Variants in MANSC1 observed in about 807,000 individuals in gnomAD.
MANSC1 encodes the protein MANSC domain containing 1.
A neutral mutation model predicts 14.1 loss-of-function variants in MANSC1; 13 were observed. That is an observed-to-expected ratio of 0.92 (90% CI 0.60 to 1.46). MANSC1 has a LOEUF of 1.46. MANSC1 is among the 40% of genes most tolerant of loss of function. MANSC1 has a pLI of 0.00. For missense variants in MANSC1, 486 were observed against 511.4 expected (o/e 0.95, Z 0.48); for synonymous variants, 227 against 200.7 (o/e 1.13, Z -1.11).
rs748192256 is a variant in MANSC1 at position 12,330,285 on chromosome 12, C to T, written c.1038G>A (p.Val346=). ...YNPTALSMSN[V]ESSTMNKTAS... is the part of the protein sequence containing the mutation. The stretch of plus-strand genomic sequence containing the variant: ...CAGTTTTATTCATAGTGGAAGACTC[C>T]ACATTTGACATAGAAAGTGCAGTAG... The change falls in exon 4 of 4, where the codon GTG becomes GTA. Residue 346 remains valine (V), a synonymous_variant. Coordinates refer to ENST00000535902, the MANE Select transcript of MANSC1 (RefSeq NM_018050.4). 1.2e-6 allele frequency: 2 copies of T among 1,614,216 alleles called. No individual in the cohort carries two copies. Among genetic ancestry groups the T allele is most frequent in the African/African-American group, 1.3e-5 (1 of 75,060 alleles).
Position 12,330,827 on chromosome 12 carries a change from T to G in MANSC1, c.496A>C (p.Ile166Leu). 1 of 1,614,144 alleles carries G rather than the reference T, an allele frequency of 6.2e-7. No homozygotes were observed. Among genetic ancestry groups the G allele is most frequent in the Non-Finnish European group, 8.5e-7 (1 of 1,180,022 alleles). Residue 166 changes from isoleucine to leucine, a missense_variant, in exon 4 of 4, where the codon ATC becomes CTC. By Grantham distance (5) the Ile-to-Leu change is conservative (BLOSUM62 2). Transcript: ENST00000535902. ...TGAGAAAGTGTGTCTCTCCATGAGA[T>G]ATCGGTGGGCTTTGAATAATCTGTG... ...HHTDYSKPTD[I>L]SWRDTLSQKF...
At chr12:12,333,310 G>T (rs1862817453) in intron 3 of MANSC1, among the ~76,000 whole-genome samples, 1 of 152,084 alleles carries the variant, frequency 6.6e-6, no homozygotes, top group African/African-American at 2.4e-5. Context: ...GCCTCCCAAA[G>T]TGCTGGAATT....
chr12:12,338,914 CA>C, intron 2 of MANSC1: 1 of 285,566 alleles, frequency 3.5e-6, no homozygotes, highest in South Asian at 3.6e-5. Flanking sequence ...CACACACACA[CA>C]CACCCCTAAG....
At chr12:12,349,899 T>C (rs528904785) in intron 1 of MANSC1, among the ~76,000 whole-genome samples, 179 bp downstream of exon 1, 1 of 152,318 alleles carries the variant, frequency 6.6e-6, no homozygotes, top group South Asian at 2.1e-4. Context: ...AGGTCCCCTT[T>C]GGAATACTGC....
At position 12,330,578 on chromosome 12, in the gene MANSC1, G is replaced by A. The variant is rs1178710435; in HGVS notation, c.745C>T (p.Pro249Ser). Residue 249 changes from proline (P) to serine (S), a missense_variant, in exon 4 of 4, where the codon CCC becomes TCC. By Grantham distance (74) the Pro-to-Ser change is moderately conservative (BLOSUM62 -1). Coordinates refer to ENST00000535902, the MANE Select transcript of MANSC1 (RefSeq NM_018050.4). ...GAAGGTGTCACTGAAGCATTGGTGG[G>A]TAGAAGGGTGGCGGGCTTTGGAGTA... ...SATPKPATLL[P>S]TNASVTPSGT... The A allele has an allele frequency of 1.9e-6, 3 of 1,614,116 alleles. No individual in the cohort carries two copies. The Admixed American group carries it at 5.0e-5, about 27-fold the overall frequency.
chr12:12,334,298 A>AAG (rs1862830241), intron 3 of MANSC1, among the ~76,000 whole-genome samples: 1 of 151,902 alleles, frequency 6.6e-6, no homozygotes, highest in South Asian at 2.1e-4. Flanking sequence ...GAAAAAAAAA[A>AAG]AGAGAGAGAG....
rs552782701 is a variant in MANSC1, at chr12:12,346,160, C to A, written c.-100-2746G>T. 2.7e-5 allele frequency among the ~76,000 whole-genome samples: 4 copies of A among 149,822 alleles called. No individual in the cohort carries two copies. In the East Asian group the frequency reaches 8.0e-4, roughly 30 times the overall value. On this transcript the variant is annotated intron_variant, in intron 1 of 3. Coordinates refer to ENST00000535902, the MANE Select transcript of MANSC1 (RefSeq NM_018050.4). ...TGGTGGCGGCCGCCTGTAGTCCCAG[C>A]TACTCGGGAGGCTGAGGCAGGAGAA...
intron 1 of MANSC1, among the ~76,000 whole-genome samples, chr12:12,344,962 T>A (rs1389732353): frequency 9.6e-6 from 1 of 103,742 alleles, no homozygotes; most frequent in Admixed American, 1.0e-4. Context: ...TATATATATA[T>A]ATATATTACA....
chr12:12,344,916 C>CATATATATATATATATATATAT (rs536743365), intron 1 of MANSC1, among the ~76,000 whole-genome samples: 1 of 33,556 alleles, frequency 3.0e-5, no homozygotes, highest in Non-Finnish European at 5.7e-5. Flanking sequence ...AATAAACTCC[C>CATATATATATATATATATATAT]ATATATATAT....
rs1026062431 is a variant in MANSC1, at chr12:12,332,938, C to T, written c.365-1980G>A. ...AAACCTAAAGTACTGGTGTGAAAAGCCTAAAATACTATTTGGCCCTTGGCA... is the reference window on the plus strand; with the variant it reads ...AAACCTAAAGTACTGGTGTGAAAAGTCTAAAATACTATTTGGCCCTTGGCA... On this transcript the variant is annotated intron_variant, in intron 3 of 3. Transcript: ENST00000535902. 2.8e-4 allele frequency among the ~76,000 whole-genome samples: 43 copies of T among 152,104 alleles called. 1 individual carries two copies. The highest frequency in any genetic ancestry group is 1.0e-3 in the African/African-American group (43 of 41,468).
At chr12:12,348,870 T>C (rs1025229980) in intron 1 of MANSC1, among the ~76,000 whole-genome samples, 1 of 152,194 alleles carries the variant, frequency 6.6e-6, no homozygotes, top group East Asian at 1.9e-4. Flanking sequence ...ACTTTATATA[T>C]ATCATGTCAT....
In MANSC1 at chr12:12,330,733, G is replaced by A; in HGVS notation, c.590C>T (p.Ala197Val). ...KMDEASAQLL[A>V]YKEKGHSQSS... ...CTGAGAATGGCCTTTTTCCTTATAA[G>A]CAAGGAGCTGGGCACTTGCTTCATC... is the stretch of plus-strand genomic sequence containing the variant. Residue 197 changes from alanine to valine, a missense_variant, in exon 4 of 4, where the codon GCT becomes GTT. By Grantham distance (64) the Ala-to-Val change is moderately conservative. Transcript: ENST00000535902. 6.2e-7 allele frequency: 1 copy of A among 1,614,174 alleles called. No homozygotes were observed.
At chr12:12,336,102 C>CAACAGAGTGAG (rs1862856012) in intron 3 of MANSC1, among the ~76,000 whole-genome samples, 1 of 152,130 alleles carries the variant, frequency 6.6e-6, no homozygotes. Context: ...CGCGCCACTG[C>CAACAGAGTGAG]ACTCCACCCT....
intron 1 of MANSC1, among the ~76,000 whole-genome samples, chr12:12,344,145 A>G (rs1044958962): frequency 2.6e-5 from 4 of 151,932 alleles, no homozygotes; most frequent in African/African-American, 7.3e-5. Context: ...ATAGGTGACA[A>G]TATACTAGAT....
At chr12:12,348,608 A>G (rs928311390) in intron 1 of MANSC1, among the ~76,000 whole-genome samples, 2 of 152,074 alleles carry the variant, frequency 1.3e-5, no homozygotes, top group Non-Finnish European at 2.9e-5. Flanking sequence ...ATAACACTGT[A>G]ATGGAGGATA....
rs1444931046 is a variant in MANSC1 at position 12,329,654 on chromosome 12, G to A, written c.*373C>T. 1 of 166,174 alleles carries A rather than the reference G, an allele frequency of 6.0e-6. No homozygotes were observed. The highest frequency in any genetic ancestry group is 1.3e-5 in the Non-Finnish European group (1 of 76,448). 10.3% of individuals were successfully genotyped at this position (166,174 alleles called of 1,614,324 possible). ...TAATCCCAGCACTTTGGGAGGCCGA[G>A]GAGGGTGGATCACTAGGTCAGGAGT... On this transcript the variant is annotated 3_prime_UTR_variant, in exon 4 of 4. Coordinates refer to ENST00000535902, the MANE Select transcript of MANSC1 (RefSeq NM_018050.4).
rs1555139861 is a variant in MANSC1 at position 12,329,025 on chromosome 12, C to CAA, written c.*1000_*1001dup. 3.3e-5 allele frequency: 5 copies of CAA among 152,132 alleles called. No individual in the cohort carries two copies. The East Asian group carries it at 9.5e-4, about 29-fold the overall frequency. The allele number at this position is 152,132 out of a possible 1,614,324, so 9.4% of individuals were successfully genotyped here. A position where few individuals can be genotyped will look rare whatever the true frequency, so the allele number is the denominator to read the frequency against. ...ACACACACACACACACACACACACACAAGTTAACTAGAACAGATCCCAAGT... is the reference window on the plus strand; with the variant it reads ...ACACACACACACACACACACACACACAAAAGTTAACTAGAACAGATCCCAAGT... On this transcript the variant is annotated 3_prime_UTR_variant, in exon 4 of 4. Coordinates refer to ENST00000535902, the MANE Select transcript of MANSC1 (RefSeq NM_018050.4).
At position 12,329,807 on chromosome 12, in the gene MANSC1, C is replaced by A. The variant is rs888889344; in HGVS notation, c.*220G>T. On this transcript the variant is annotated 3_prime_UTR_variant, in exon 4 of 4. Transcript: ENST00000535902. ...GCTGAGGCAGGAGAATCGCTTGAAC[C>A]CAGGAGACGGAGGTTGCGGTGAGAG... is the stretch of plus-strand genomic sequence containing the variant. The A allele has an allele frequency of 2.0e-6, 1 of 496,142 alleles. No homozygotes were observed. Among genetic ancestry groups the A allele is most frequent in the East Asian group, 3.3e-5 (1 of 29,966 alleles). 30.7% of individuals were successfully genotyped at this position (496,142 alleles called of 1,614,324 possible).
intron 3 of MANSC1, among the ~76,000 whole-genome samples, chr12:12,333,153 C>T (rs1421555594): frequency 6.6e-6 from 1 of 151,940 alleles, no homozygotes; most frequent in Admixed American, 6.6e-5. Flanking sequence ...TTCAAGCAAT[C>T]CTCCCACCTC....
Sources: gnomAD v4.1 joint callset for allele counts (sites outside exome capture counted in the v4.1 genomes callset) on GRCh38, gnomAD v4.1.1 for gene constraint, MANE v1.5 for transcripts, NCBI Gene and HGNC (gene_info 2026-07-23, HGNC 2026-07-21) for gene names.